The following NOC3L variants were observed in gnomAD, a reference collection of about 807,000 sequenced individuals.
NOC3L encodes NOC3 like DNA replication regulator, also known as nucleolar complex protein 3 homolog.
NOC3L carries 85 observed loss-of-function variants against 102.5 expected under a neutral mutation model. The observed-to-expected ratio is 0.83, with a 90% CI of 0.70 to 0.99. NOC3L has a LOEUF of 0.99. Ranked by LOEUF, NOC3L falls within the 50% of genes least tolerant of loss-of-function variation. The pLI is 0.00. For synonymous variants in NOC3L, 303 were observed against 309.4 expected (o/e 0.98, Z 0.22); for missense variants, 878 against 914.9 (o/e 0.96, Z 0.52).
rs143784636 is a variant in NOC3L, at chr10:94,343,815, T to C, written c.1571+600A>G. Among the ~76,000 whole-genome samples the C allele has an allele frequency of 4.6e-5, 7 of 152,346 alleles. No individual in the cohort carries two copies. In the East Asian group the frequency reaches 9.6e-4, roughly 21 times the overall value. ...AAAATATATAAAAATTAATTTCACCTGTTTCTTTTTATCTTTTTAATGTGG... is the reference window on the plus strand; with the variant it reads ...AAAATATATAAAAATTAATTTCACCCGTTTCTTTTTATCTTTTTAATGTGG... On this transcript the variant is annotated intron_variant, in intron 13 of 20. Coordinates refer to ENST00000371361, the MANE Select transcript of NOC3L (RefSeq NM_022451.11).
At chr10:94,317,607 G>GAATT in the NOC3L span, among the ~76,000 whole-genome samples, 1 of 152,154 alleles carries the variant, frequency 6.6e-6, no homozygotes. Context: ...GCCTGAGTCA[G>GAATT]AATTAGTAAC....
chr10:94,339,971 C>A, intron 16 of NOC3L, 51 bp from the exon 17 acceptor site: 1 of 1,476,624 alleles, frequency 6.8e-7, no homozygotes, highest in Non-Finnish European at 9.3e-7. Context: ...TTTTTCATTA[C>A]GCAACTGGAC....
At chr10:94,331,852 A>G (rs1447360233), downstream of NOC3L, 1 of 149,244 alleles carries the variant, frequency 6.7e-6, no homozygotes, top group Non-Finnish European at 1.5e-5. Context: ...CTGAGTCTCT[A>G]TGATTACCAA....
chr10:94,341,289 G>A (rs2133988612), intron 14 of NOC3L, among the ~76,000 whole-genome samples: 1 of 152,074 alleles, frequency 6.6e-6, no homozygotes, highest in Middle Eastern at 3.4e-3. Context: ...AGCTAGGAGG[G>A]AAGAATTTGA....
chr10:94,362,805 C>T, intron 1 of NOC3L, 25 bp downstream of exon 1: 1 of 1,613,996 alleles, frequency 6.2e-7, no homozygotes, highest in Non-Finnish European at 8.5e-7. Context: ...TAGGCCGCGG[C>T]GACCGGGCTT....
Position 94,333,798 on chromosome 10 carries a change from A to T in NOC3L, c.*379T>A. 6.4e-6 allele frequency: 1 copy of T among 156,002 alleles called. No individual in the cohort carries two copies. The allele number at this position is 156,002 out of a possible 1,614,324, so 9.7% of individuals were successfully genotyped here. On this transcript the variant is annotated 3_prime_UTR_variant, in exon 21 of 21. Transcript: ENST00000371361. ...TAGTTATAAAAAGTAGCTAAATGGT[A>T]AAATGTCTTCTCATGGTCTTGATTT... is the stretch of plus-strand genomic sequence containing the variant.
chr10:94,353,189 A>C (rs1049285567), intron 6 of NOC3L, 132 bp from the exon 7 acceptor site: 9 of 672,170 alleles, frequency 1.3e-5, no homozygotes, highest in Non-Finnish European at 2.3e-5. Context: ...GCCACACCAA[A>C]CTCCAGACCC....
chr10:94,316,178 AAG>A, the NOC3L span, among the ~76,000 whole-genome samples: 2 of 152,334 alleles, frequency 1.3e-5, no homozygotes, highest in South Asian at 4.1e-4. Flanking sequence ...ATGTGAGAAA[AAG>A]AGATTATCTT....
Position 94,350,261 on chromosome 10 carries a change from C to T in NOC3L, c.980G>A (p.Ser327Asn), listed in dbSNP as rs764293679. The change falls in exon 9 of 21, where the codon AGT becomes AAT. Residue 327 changes from serine (S) to asparagine (N), a missense_variant. Physicochemically the swap from Ser to Asn is conservative, Grantham distance 46. Coordinates refer to ENST00000371361, the MANE Select transcript of NOC3L (RefSeq NM_022451.11). ...KDWKQRKLKKSNVVSLKAYKG... is the reference protein window; with the variant it reads ...KDWKQRKLKKNNVVSLKAYKG... Reference sequence around the variant, plus strand: ...GTATGCCTTTAAGGAAACTACATTACTTTTCTTCAGCTTCCTCTGCTTCCA... The same window carrying T: ...GTATGCCTTTAAGGAAACTACATTATTTTTCTTCAGCTTCCTCTGCTTCCA... The T allele has an allele frequency of 3.1e-6, 5 of 1,614,140 alleles. No homozygotes were observed. Among genetic ancestry groups the T allele is most frequent in the East Asian group, 4.5e-5 (2 of 44,890 alleles).
intron 2 of NOC3L, 37 bp downstream of exon 2, chr10:94,361,628 C>T (rs748053157): frequency 5.1e-6 from 8 of 1,578,604 alleles, no homozygotes; most frequent in Non-Finnish European, 6.9e-6. Context: ...CAGAATAAAT[C>T]AATGGAAACC....
chr10:94,324,605 T>C, the NOC3L span: 4 of 1,479,296 alleles, frequency 2.7e-6, no homozygotes, highest in Middle Eastern at 1.7e-4. Context: ...TCTTAAGTTA[T>C]CTGATACCCA....
chr10:94,350,623 C>T (rs958426412), intron 8 of NOC3L, among the ~76,000 whole-genome samples: 4 of 148,906 alleles, frequency 2.7e-5, no homozygotes, highest in African/African-American at 1.0e-4. Context: ...GAGGCTGAGG[C>T]AGGGGAATCA....
intron 10 of NOC3L, among the ~76,000 whole-genome samples, chr10:94,348,373 A>G (rs1357066838): frequency 6.6e-6 from 1 of 151,976 alleles, no homozygotes; most frequent in East Asian, 1.9e-4. Context: ...CAAAGTAAAA[A>G]AGAGAACAAT....
chr10:94,324,355 T>C, the NOC3L span: 5 of 1,613,660 alleles, frequency 3.1e-6, no homozygotes, highest in South Asian at 3.3e-5. Flanking sequence ...TCAGACCTTA[T>C]GCAAAGCCAA....
At chr10:94,316,068 C>T in the NOC3L span, among the ~76,000 whole-genome samples, 9 of 152,266 alleles carry the variant, frequency 5.9e-5, no homozygotes, top group African/African-American at 2.2e-4. Flanking sequence ...CCTTTAAGCA[C>T]ACTGTCAGAA....
intron 17 of NOC3L, 47 bp downstream of exon 17, chr10:94,339,692 C>A: frequency 4.1e-6 from 6 of 1,462,282 alleles, no homozygotes; most frequent in African/African-American, 2.9e-5. Flanking sequence ...CAAAAAAAAT[C>A]ATTGCATTAT....
intron 6 of NOC3L, among the ~76,000 whole-genome samples, chr10:94,353,355 T>G (rs2054445505): frequency 6.6e-6 from 1 of 152,228 alleles, no homozygotes; most frequent in South Asian, 2.1e-4. Flanking sequence ...GGAAGCTCGG[T>G]GCCTGCGTCT....
intron 14 of NOC3L, among the ~76,000 whole-genome samples, chr10:94,340,699 G>T (rs934696345): frequency 6.6e-6 from 1 of 151,794 alleles, no homozygotes; most frequent in Non-Finnish European, 1.5e-5. Flanking sequence ...CCATCTCTCA[G>T]GGCCGGGCGC....
chr10:94,361,638 C>T (rs769887753), intron 2 of NOC3L, 27 bp downstream of exon 2: 2 of 1,597,680 alleles, frequency 1.3e-6, no homozygotes, highest in African/African-American at 1.3e-5. Flanking sequence ...CAATGGAAAC[C>T]AGAGCACATG....
Sources: gnomAD v4.1 joint callset for allele counts (sites outside exome capture counted in the v4.1 genomes callset) on GRCh38, gnomAD v4.1.1 for gene constraint, MANE v1.5 for transcripts, NCBI Gene and HGNC (gene_info 2026-07-23, HGNC 2026-07-21) for gene names.